The following SMAD3 variants were observed in gnomAD, a reference collection of about 807,000 sequenced individuals.
SMAD3 encodes the protein SMAD family member 3.
SMAD3 carries 12 observed loss-of-function variants against 51.8 expected under a neutral mutation model. The observed-to-expected ratio is 0.23, with a 90% confidence interval of 0.15 to 0.38. The LOEUF (loss-of-function observed/expected upper bound fraction) is 0.38. Ranked by LOEUF, SMAD3 falls within the 10% of genes least tolerant of loss-of-function variation. SMAD3 has a pLI of 1.00. For synonymous variants in SMAD3, 238 were observed against 227.7 expected, an observed-to-expected ratio of 1.05 and a Z score of -0.41; for missense variants, 294 against 565.6, an observed-to-expected ratio of 0.52 and a Z score of 4.87.
At chr15:67,178,065 G>C (rs1045316084) in intron 5 of SMAD3, among the ~76,000 whole-genome samples, 1 of 152,196 alleles carries the variant, frequency 6.6e-6, no homozygotes, top group Admixed American at 6.5e-5. Flanking sequence ...TCTTAATGAT[G>C]TGTCAGGTTC....
intron 1 of SMAD3, among the ~76,000 whole-genome samples, chr15:67,151,178 C>T (rs1466039781): frequency 6.6e-6 from 1 of 151,824 alleles, no homozygotes; most frequent in Non-Finnish European, 1.5e-5. Context: ...AGTCTTAAGA[C>T]ATTCATATAT....
At chr15:67,081,465 C>T (rs1031518561) in intron 1 of SMAD3, among the ~76,000 whole-genome samples, 2 of 152,188 alleles carry the variant, frequency 1.3e-5, no homozygotes, top group African/African-American at 4.8e-5. Flanking sequence ...ATCCCACATT[C>T]TGTATCGGAG....
At chr15:67,188,910 C>T (rs3825977) in intron 8 of SMAD3, among the ~76,000 whole-genome samples, 27,155 of 152,190 alleles carry the variant, frequency 0.18, 3,087 homozygotes, top group East Asian at 0.46. Context: ...TCTTCTGTGT[C>T]TGCCCCAGGG....
At chr15:67,187,243 T>C (rs1963245425) in intron 7 of SMAD3, 122 bp from the exon 8 acceptor site, 3 of 1,160,224 alleles carry the variant, frequency 2.6e-6, no homozygotes, top group Non-Finnish European at 1.3e-6. Flanking sequence ...TCACACACCA[T>C]GTGTCCCTGG....
intron 1 of SMAD3, among the ~76,000 whole-genome samples, chr15:67,164,232 A>G (rs1962510054): frequency 7.1e-6 from 1 of 140,998 alleles, no homozygotes; most frequent in South Asian, 2.4e-4. Flanking sequence ...GGAGAATGGC[A>G]TGAACCCGGG....
chr15:67,142,181 T>A (rs1229665624), intron 1 of SMAD3, among the ~76,000 whole-genome samples: 1 of 150,568 alleles, frequency 6.6e-6, no homozygotes, highest in Non-Finnish European at 1.5e-5. Flanking sequence ...TTCATTCTTT[T>A]GTGTGTCTCC....
intron 1 of SMAD3, among the ~76,000 whole-genome samples, chr15:67,123,980 TC>T (rs1319878234): frequency 2.0e-5 from 3 of 152,198 alleles, no homozygotes; most frequent in Non-Finnish European, 2.9e-5. Context: ...AAGCTTTTGT[TC>T]CTTTGGATTT....
chr15:67,073,284 A>G (rs10518707), intron 1 of SMAD3, among the ~76,000 whole-genome samples: 70,312 of 152,038 alleles, frequency 0.46, 16,563 homozygotes, highest in South Asian at 0.66. Context: ...GTTATCTAAG[A>G]CCCTTCCTAT....
At chr15:67,066,935 C>A (rs1381973248) in intron 1 of SMAD3, among the ~76,000 whole-genome samples, 1 of 152,136 alleles carries the variant, frequency 6.6e-6, no homozygotes, top group Non-Finnish European at 1.5e-5. Context: ...GCATTTTTAT[C>A]GAGTATTTTT....
intron 4 of SMAD3, among the ~76,000 whole-genome samples, chr15:67,170,015 T>C (rs1962702454): frequency 6.6e-6 from 1 of 152,200 alleles, no homozygotes; most frequent in Admixed American, 6.5e-5. Flanking sequence ...TTTGTGAGTT[T>C]CCTGAAATTG....
intron 1 of SMAD3, among the ~76,000 whole-genome samples, chr15:67,091,685 A>G (rs564242289): frequency 6.6e-6 from 1 of 152,300 alleles, no homozygotes; most frequent in Admixed American, 6.5e-5. Context: ...ACACTCTTCT[A>G]AAGTTTTTTG....
chr15:67,109,101 G>T (rs892285791), intron 1 of SMAD3, among the ~76,000 whole-genome samples: 17 of 152,190 alleles, frequency 1.1e-4, no homozygotes, highest in African/African-American at 3.9e-4. Flanking sequence ...ATAAAGCATG[G>T]TCACTTCACA....
chr15:67,120,799 A>G (rs1247332478), intron 1 of SMAD3, among the ~76,000 whole-genome samples: 3 of 152,342 alleles, frequency 2.0e-5, no homozygotes, highest in East Asian at 3.9e-4. Context: ...GTAGCCCAGG[A>G]GAGCTTTGAA....
intron 1 of SMAD3, among the ~76,000 whole-genome samples, chr15:67,132,815 C>T (rs1389509824): frequency 6.6e-6 from 1 of 152,206 alleles, no homozygotes; most frequent in Non-Finnish European, 1.5e-5. Context: ...GCACTCCCCA[C>T]TCATCACTCC....
intron 4 of SMAD3, among the ~76,000 whole-genome samples, chr15:67,168,497 A>C (rs1260757320): frequency 6.6e-6 from 1 of 152,234 alleles, no homozygotes; most frequent in Non-Finnish European, 1.5e-5. Flanking sequence ...GCATGTCTCC[A>C]GCTGCTGTGT....
chr15:67,113,856 C>T lies in SMAD3; in HGVS notation c.206+47496C>T, dbSNP rs1961078060. 3.9e-5 allele frequency among the ~76,000 whole-genome samples: 6 copies of T among 152,264 alleles called. No homozygotes were observed. In the South Asian group the frequency reaches 8.3e-4, roughly 21 times the overall value. The stretch of plus-strand genomic sequence containing the variant: ...GAGGACAGTAACTGTGTCTTATTTC[C>T]CTCACATCTCCCTGTAGTGCTTAGG... On this transcript the variant is annotated intron_variant, in intron 1 of 8. Coordinates refer to ENST00000327367, the MANE Select transcript of SMAD3 (RefSeq NM_005902.4).
intron 1 of SMAD3, among the ~76,000 whole-genome samples, chr15:67,104,269 T>A (rs945045688): frequency 1.3e-5 from 2 of 152,238 alleles, no homozygotes; most frequent in Admixed American, 1.3e-4. Flanking sequence ...AGTGTTTGAA[T>A]GAATGAATGC....
At chr15:67,117,878 G>GGT (rs1363419854) in intron 1 of SMAD3, among the ~76,000 whole-genome samples, 1 of 152,300 alleles carries the variant, frequency 6.6e-6, no homozygotes, top group African/African-American at 2.4e-5. Context: ...GATCACCTGA[G>GGT]GTCAGGAGTT....
intron 1 of SMAD3, among the ~76,000 whole-genome samples, chr15:67,149,235 A>C (rs1962060445): frequency 6.6e-6 from 1 of 152,186 alleles, no homozygotes; most frequent in Non-Finnish European, 1.5e-5. Context: ...CTGTGGCTGC[A>C]ACATTTTACC....
Sources: gnomAD v4.1 joint callset for allele counts (sites outside exome capture counted in the v4.1 genomes callset) on GRCh38, gnomAD v4.1.1 for gene constraint, MANE v1.5 for transcripts, NCBI Gene and HGNC (gene_info 2026-07-23, HGNC 2026-07-21) for gene names.